Variants in EGFLAM observed in about 807,000 individuals in gnomAD.
EGFLAM encodes the protein EGF like, fibronectin type III and laminin G domains, also known as pikachurin.
A neutral mutation model predicts 113.1 loss-of-function variants in EGFLAM; 79 were observed. The ratio of observed to expected loss-of-function variants is 0.70; its 90% CI spans 0.58 to 0.84. EGFLAM has a LOEUF of 0.84. EGFLAM is among the 40% of genes least tolerant of loss of function. EGFLAM has a pLI of 0.00. For missense variants in EGFLAM, 1,265 were observed against 1,291.6 expected, an observed-to-expected ratio of 0.98 and a Z score of 0.32; for synonymous variants, 504 against 487.6, an observed-to-expected ratio of 1.03 and a Z score of -0.44.
At chr5:38,337,722 A>G (rs2111946857) in intron 2 of EGFLAM, 93 bp downstream of exon 2, 3 of 1,063,560 alleles carry the variant, frequency 2.8e-6, no homozygotes, top group South Asian at 1.5e-5. Context: ...CTGTCCTTCC[A>G]TATCAATAAC....
At chr5:38,332,421 C>T (rs569893870) in intron 1 of EGFLAM, among the ~76,000 whole-genome samples, 1 of 152,176 alleles carries the variant, frequency 6.6e-6, no homozygotes, top group Non-Finnish European at 1.5e-5. Context: ...TATATTTTTA[C>T]TCATCTCCCT....
At position 38,448,379 on chromosome 5, in the gene EGFLAM, G is replaced by A; in HGVS notation, c.2543G>A (p.Arg848Lys). The A allele has an allele frequency of 1.2e-6, 2 of 1,614,062 alleles. No homozygotes were observed. Among genetic ancestry groups the A allele is most frequent in the Non-Finnish European group, 1.7e-6 (2 of 1,180,030 alleles). Reference sequence around the variant, plus strand: ...TATGACAACCCAGATATCTTGAAGAGGTAATAAGCTTCAACAGGCACCTTC... The same window carrying A: ...TATGACAACCCAGATATCTTGAAGAAGTAATAAGCTTCAACAGGCACCTTC... ...LTYDNPDILK[R>K]VSGSRSNVFM... is the part of the protein sequence containing the mutation. Residue 848 changes from arginine to lysine, a missense_variant and splice_region_variant, in exon 18 of 22, where the codon AGG (arginine) becomes AAG (lysine). Physicochemically the swap from Arg to Lys is conservative, Grantham distance 26. Coordinates refer to ENST00000322350, the MANE Select transcript of EGFLAM (RefSeq NM_152403.4).
intron 1 of EGFLAM, among the ~76,000 whole-genome samples, chr5:38,271,049 G>GT (rs1040420200): frequency 6.6e-6 from 1 of 151,980 alleles, no homozygotes; most frequent in Non-Finnish European, 1.5e-5. Context: ...AGGACTTTTG[G>GT]TGTTTATATT....
At chr5:38,353,752 G>C (rs1489671233) in intron 5 of EGFLAM, among the ~76,000 whole-genome samples, 2 of 152,172 alleles carry the variant, frequency 1.3e-5, no homozygotes, top group Non-Finnish European at 2.9e-5. Context: ...TGTCAATTCA[G>C]CAGTCTGACT....
intron 3 of EGFLAM, among the ~76,000 whole-genome samples, chr5:38,348,315 G>A (rs747240407): frequency 6.6e-6 from 1 of 152,072 alleles, no homozygotes; most frequent in South Asian, 2.1e-4. Flanking sequence ...ACCCAAGCAA[G>A]ACTACGAGGG....
rs1370837468 is a variant in EGFLAM at position 38,424,969 on chromosome 5, G to A, written c.1687G>A (p.Glu563Lys). The A allele has an allele frequency of 5.0e-6, 8 of 1,613,714 alleles. No individual in the cohort carries two copies. The highest frequency in any genetic ancestry group is 6.8e-6 in the Non-Finnish European group (8 of 1,179,776). The change falls in exon 13 of 22, where the codon GAA (glutamate) becomes AAA (lysine). Residue 563 changes from glutamate (E) to lysine (K), a missense_variant and splice_region_variant. Coordinates refer to ENST00000322350, the MANE Select transcript of EGFLAM (RefSeq NM_152403.4). ...TGTAATTCCCATTCTGTATTTAGGG[G>A]AATGCAGCAGTGGAATCTGTGATGA... ...GKALSGADVG[E>K]CSSGICDEAS... is the part of the protein sequence containing the mutation.
At chr5:38,443,849 C>T (rs1367897096) in intron 17 of EGFLAM, among the ~76,000 whole-genome samples, 1 of 150,998 alleles carries the variant, frequency 6.6e-6, no homozygotes, top group Non-Finnish European at 1.5e-5. Flanking sequence ...TGGCTCACTG[C>T]AGCCTCCGCC....
chr5:38,302,341 C>T (rs1254352279), intron 1 of EGFLAM, among the ~76,000 whole-genome samples: 4 of 151,842 alleles, frequency 2.6e-5, no homozygotes, highest in Admixed American at 2.6e-4. Context: ...ACAAACATGG[C>T]GTAGACGTGG....
At chr5:38,383,316 A>G (rs1446743752) in intron 6 of EGFLAM, among the ~76,000 whole-genome samples, 3 of 152,258 alleles carry the variant, frequency 2.0e-5, no homozygotes, top group Admixed American at 6.5e-5. Context: ...TCTTTCCAAA[A>G]TAAAATGAAA....
chr5:38,338,100 A>T (rs952357785), intron 2 of EGFLAM, among the ~76,000 whole-genome samples: 1 of 152,318 alleles, frequency 6.6e-6, no homozygotes, highest in African/African-American at 2.4e-5. Context: ...GTTTTCTTTG[A>T]ATAGTGTTTT....
At chr5:38,434,283 G>A (rs538474780) in intron 15 of EGFLAM, among the ~76,000 whole-genome samples, 3 of 152,250 alleles carry the variant, frequency 2.0e-5, no homozygotes, top group South Asian at 2.1e-4. Flanking sequence ...TGAGACTCCC[G>A]TGTCCGGCAC....
At chr5:38,450,475 C>T (rs1276019486) in intron 18 of EGFLAM, among the ~76,000 whole-genome samples, 1 of 152,200 alleles carries the variant, frequency 6.6e-6, no homozygotes, top group African/African-American at 2.4e-5. Context: ...AGAGGGATGG[C>T]TCAAGTGACT....
Position 38,274,043 on chromosome 5 carries a change from T to C in EGFLAM, c.97+15192T>C, listed in dbSNP as rs186941362. On this transcript the variant is annotated intron_variant, in intron 1 of 21. Coordinates refer to ENST00000322350, the MANE Select transcript of EGFLAM (RefSeq NM_152403.4). ...CAGAGAAATATTAAAAAATCAAATATTATAACTGAAAAATACAATGAACAA... is the reference window on the plus strand; with the variant it reads ...CAGAGAAATATTAAAAAATCAAATACTATAACTGAAAAATACAATGAACAA... Among the ~76,000 whole-genome samples the C allele has an allele frequency of 6.4e-4, 97 of 152,052 alleles. 1 individual carries two copies. The East Asian group carries it at 0.017, about 26-fold the overall frequency.
chr5:38,462,747 C>A, intron 20 of EGFLAM, 161 bp from the exon 21 acceptor site: 2 of 739,402 alleles, frequency 2.7e-6, no homozygotes, highest in Non-Finnish European at 4.4e-6. Context: ...TCCTGAGGGC[C>A]ACACATTTGC....
chr5:38,369,891 G>T (rs1740159696), intron 5 of EGFLAM, among the ~76,000 whole-genome samples: 1 of 152,180 alleles, frequency 6.6e-6, no homozygotes, highest in Non-Finnish European at 1.5e-5. Flanking sequence ...TATTTATTTT[G>T]TGAACAGATT....
At chr5:38,299,888 T>C (rs56307267) in intron 1 of EGFLAM, among the ~76,000 whole-genome samples, 28,284 of 152,158 alleles carry the variant, frequency 0.19, 3,149 homozygotes, top group African/African-American at 0.3. Context: ...TGCTGGGCAG[T>C]GTTTTTAGGT....
rs1741709771 is a variant in EGFLAM, at chr5:38,418,088, T to G, written c.1517T>G (p.Phe506Cys). The G allele has an allele frequency of 6.2e-7, 1 of 1,613,960 alleles. No homozygotes were observed. Among genetic ancestry groups the G allele is most frequent in the South Asian group, 1.1e-5 (1 of 91,032 alleles). Reference sequence around the variant, plus strand: ...AAGGGCCAATACAGTAAAATTACTTTCCGGACACCTCTCTATCTTGGTGGC... The same window carrying G: ...AAGGGCCAATACAGTAAAATTACTTGCCGGACACCTCTCTATCTTGGTGGC... ...QSQGQYSKIT[F>C]RTPLYLGGAP... Residue 506 changes from phenylalanine (F) to cysteine (C), a missense_variant, in exon 12 of 22, where the codon TTC becomes TGC. Physicochemically the swap from Phe to Cys is radical, Grantham distance 205 (BLOSUM62 -2). Transcript: ENST00000322350.
At chr5:38,446,598 T>C (rs16903973) in intron 17 of EGFLAM, among the ~76,000 whole-genome samples, 8,358 of 152,204 alleles carry the variant, frequency 0.055, 770 homozygotes, top group African/African-American at 0.19. Flanking sequence ...AGAGCCTTCA[T>C]CTCCGGCCCT....
At chr5:38,456,134 G>T (rs1272131769) in intron 19 of EGFLAM, among the ~76,000 whole-genome samples, 1 of 152,156 alleles carries the variant, frequency 6.6e-6, no homozygotes, top group Non-Finnish European at 1.5e-5. Context: ...GCCTCTGTTG[G>T]GAGTGGTGGG....
Sources: allele counts gnomAD v4.1 joint callset (sites outside exome capture counted in the v4.1 genomes callset), GRCh38; gene constraint gnomAD v4.1.1; transcripts MANE v1.5; gene names NCBI Gene and HGNC (gene_info 2026-07-23, HGNC 2026-07-21).